Variants in C12orf54 observed in about 807,000 individuals in gnomAD.
The protein encoded by C12orf54 is uncharacterized protein C12orf54.
Under a neutral mutation model 26.4 loss-of-function variants are expected in C12orf54, and 24 were observed. The observed-to-expected ratio is 0.91, with a 90% CI of 0.66 to 1.28. The LOEUF (loss-of-function observed/expected upper bound fraction) is 1.28, where lower values mean the gene tolerates loss of function less well. Ranked by LOEUF, C12orf54 falls within the 50% of genes most tolerant of loss-of-function variation. The probability of loss-of-function intolerance (pLI) is 0.00; values close to 1 mark genes in which losing one functional copy is unlikely to be tolerated. For synonymous variants in C12orf54, 54 were observed against 47.0 expected (o/e 1.15, Z -0.61); for missense variants, 154 against 150.9 (o/e 1.02, Z -0.11).
At chr12:48,457,731 T>C in the C12orf54 span, among the ~76,000 whole-genome samples, 2 of 152,182 alleles carry the variant, frequency 1.3e-5, no homozygotes, top group African/African-American at 4.8e-5. Flanking sequence ...GCCTCTCCAG[T>C]CTGCTGCCTC....
At chr12:48,490,042 T>C (rs1434336970) in intron 5 of C12orf54, among the ~76,000 whole-genome samples, 1 of 152,210 alleles carries the variant, frequency 6.6e-6, no homozygotes, top group South Asian at 2.1e-4. Context: ...TTTTTAAAGA[T>C]CCTTTACACG....
the C12orf54 span, among the ~76,000 whole-genome samples, chr12:48,458,730 G>GTT: frequency 8.5e-6 from 1 of 118,138 alleles, no homozygotes; most frequent in Non-Finnish European, 1.7e-5. Context: ...TACCTTGATT[G>GTT]TTCTTTTTTT....
At chr12:48,432,420 CAAAA>C in the C12orf54 span, among the ~76,000 whole-genome samples, 4 of 151,930 alleles carry the variant, frequency 2.6e-5, no homozygotes, top group African/African-American at 9.7e-5. Context: ...AAAACACAAA[CAAAA>C]AAGAACTCTC....
the C12orf54 span, among the ~76,000 whole-genome samples, chr12:48,452,052 G>A: frequency 4.6e-5 from 7 of 152,068 alleles, no homozygotes; most frequent in African/African-American, 1.4e-4. Context: ...AAAGAACAAA[G>A]CTGGAAGTAT....
At chr12:48,443,997 C>G in the C12orf54 span, among the ~76,000 whole-genome samples, 3 of 152,182 alleles carry the variant, frequency 2.0e-5, no homozygotes, top group African/African-American at 4.8e-5. Flanking sequence ...TAACAATAAA[C>G]AGCACAGAAT....
the C12orf54 span, among the ~76,000 whole-genome samples, chr12:48,454,620 G>A: frequency 6.6e-6 from 1 of 152,110 alleles, no homozygotes; most frequent in Admixed American, 6.5e-5. Context: ...TTTATTTAAT[G>A]CAGCCTCAGA....
the C12orf54 span, among the ~76,000 whole-genome samples, chr12:48,439,595 T>C: frequency 6.6e-6 from 1 of 152,158 alleles, no homozygotes; most frequent in South Asian, 2.1e-4. Flanking sequence ...ATGTCCTTTG[T>C]AGGGACATGG....
At chr12:48,423,314 T>G in the C12orf54 span, among the ~76,000 whole-genome samples, 1 of 152,112 alleles carries the variant, frequency 6.6e-6, no homozygotes, top group East Asian at 1.9e-4. Flanking sequence ...ACAAGCTAAG[T>G]TGATAGAGAA....
the C12orf54 span, among the ~76,000 whole-genome samples, chr12:48,422,270 G>T: frequency 6.6e-6 from 1 of 152,166 alleles, no homozygotes; most frequent in Non-Finnish European, 1.5e-5. Context: ...ACTGCTGACT[G>T]CAGGACTTCT....
chr12:48,451,591 C>T, the C12orf54 span, among the ~76,000 whole-genome samples: 1 of 152,122 alleles, frequency 6.6e-6, no homozygotes, highest in Non-Finnish European at 1.5e-5. Flanking sequence ...TCTAGAAAAC[C>T]CAATCATCTC....
Position 48,485,257 on chromosome 12 carries a change from G to A in C12orf54, c.66-921G>A, listed in dbSNP as rs958082190. 2.0e-5 allele frequency among the ~76,000 whole-genome samples: 3 copies of A among 149,710 alleles called. No individual in the cohort carries two copies. In the East Asian group the frequency reaches 5.8e-4, roughly 29 times the overall value. On this transcript the variant is annotated intron_variant, in intron 2 of 8. Coordinates refer to ENST00000548364, the MANE Select transcript of C12orf54 (RefSeq NM_152319.4). ...CATGCCTGACTGGGTTTTTGATGTT[G>A]TTTCTGCTGTTTTGTTTGTTGTTGG...
chr12:48,475,886 A>T, the C12orf54 span, among the ~76,000 whole-genome samples: 10 of 152,238 alleles, frequency 6.6e-5, no homozygotes, highest in African/African-American at 2.2e-4. Flanking sequence ...GATTCAGGAA[A>T]TACAGAGAAC....
chr12:48,448,372 T>C, the C12orf54 span, among the ~76,000 whole-genome samples: 4 of 152,232 alleles, frequency 2.6e-5, no homozygotes, highest in Admixed American at 6.5e-5. Flanking sequence ...TTGTTATATG[T>C]GACATTCTGA....
Position 48,486,190 on chromosome 12 carries a change from A to G in C12orf54, c.78A>G (p.Glu26=). 1.9e-6 allele frequency: 3 copies of G among 1,611,168 alleles called. No individual in the cohort carries two copies. The highest frequency in any genetic ancestry group is 1.3e-5 in the African/African-American group (1 of 75,006). ...TSKQQRSTSI[E]ETMRPQEKQV... is the part of the protein sequence containing the mutation. ...TCTTTCTTTGCAGCACATCCATAGA[A>G]GAGACAATGAGACCACAGGTGGGTA... is the stretch of plus-strand genomic sequence containing the variant. Residue 26 remains glutamate, a synonymous_variant, in exon 3 of 9, where the codon GAA becomes GAG. Coordinates refer to ENST00000548364, the MANE Select transcript of C12orf54 (RefSeq NM_152319.4).
At chr12:48,470,423 ATC>A in the C12orf54 span, among the ~76,000 whole-genome samples, 1 of 151,872 alleles carries the variant, frequency 6.6e-6, no homozygotes, top group African/African-American at 2.4e-5. Flanking sequence ...TGTGATTTTG[ATC>A]TGCATTTCTC....
At chr12:48,473,637 A>G in the C12orf54 span, 2 of 262,866 alleles carry the variant, frequency 7.6e-6, no homozygotes, top group African/African-American at 4.5e-5. Flanking sequence ...TTTTCCCCCT[A>G]CTTTTTCCTT....
the C12orf54 span, among the ~76,000 whole-genome samples, chr12:48,472,209 C>A: frequency 2.0e-5 from 3 of 152,144 alleles, no homozygotes; most frequent in African/African-American, 7.2e-5. Flanking sequence ...TGAAATCTTA[C>A]TAAAACTGTT....
the C12orf54 span, among the ~76,000 whole-genome samples, chr12:48,434,459 GCCT>G: frequency 1.3e-5 from 2 of 152,206 alleles, no homozygotes; most frequent in Non-Finnish European, 2.9e-5. Flanking sequence ...TGGGCAGACT[GCCT>G]CCTCAAGTGG....
chr12:48,451,021 A>G, the C12orf54 span, among the ~76,000 whole-genome samples: 1 of 151,828 alleles, frequency 6.6e-6, no homozygotes, highest in African/African-American at 2.4e-5. Context: ...AAAGATATTT[A>G]AAAAAAAGAG....
Sources: gnomAD v4.1 joint callset for allele counts (sites outside exome capture counted in the v4.1 genomes callset) on GRCh38, gnomAD v4.1.1 for gene constraint, MANE v1.5 for transcripts, NCBI Gene and HGNC (gene_info 2026-07-23, HGNC 2026-07-21) for gene names.